Variants in KCNH1 observed in about 807,000 individuals in gnomAD.
KCNH1 encodes voltage-gated delayed rectifier potassium channel KCNH1.
A neutral mutation model predicts 69.2 loss-of-function variants in KCNH1; 27 were observed. That is an observed-to-expected ratio of 0.39 (90% CI 0.29 to 0.54). The LOEUF is 0.54. Among genes scored for constraint, KCNH1 ranks in the 20% least tolerant of loss-of-function variants. KCNH1 has a pLI of 0.68. For missense variants in KCNH1, 798 were observed against 1,261.6 expected (o/e 0.63, Z 5.57); for synonymous variants, 456 against 487.7 (o/e 0.93, Z 0.86).
chr1:210,859,050 T>G, intron 7 of KCNH1: 1 of 632,692 alleles, frequency 1.6e-6, no homozygotes, highest in Admixed American at 2.7e-5. Flanking sequence ...GTTGTTGTGA[T>G]TTTTTTTCTG....
intron 9 of KCNH1, among the ~76,000 whole-genome samples, chr1:210,789,616 AAAC>A (rs1189239155): frequency 2.0e-5 from 3 of 152,238 alleles, no homozygotes; most frequent in South Asian, 4.1e-4. Context: ...TTGAAAATTA[AAAC>A]AACATTTTTT....
Position 211,088,614 on chromosome 1 carries a change from G to A in KCNH1, c.439+1948C>T, listed in dbSNP as rs534285518. 2.8e-4 allele frequency among the ~76,000 whole-genome samples: 43 copies of A among 152,324 alleles called. No homozygotes were observed. The South Asian group carries it at 8.7e-3, about 31-fold the overall frequency. ...ATCTGCCATGGCATTTGAGATGATA[G>A]ACTTATAAAGCCATGTCTTTCAGGA... On this transcript the variant is annotated intron_variant, in intron 4 of 10. Coordinates refer to ENST00000271751, the MANE Select transcript of KCNH1 (RefSeq NM_172362.3).
At chr1:210,855,729 C>A (rs1685818731) in intron 7 of KCNH1, among the ~76,000 whole-genome samples, 1 of 152,158 alleles carries the variant, frequency 6.6e-6, no homozygotes, top group African/African-American at 2.4e-5. Flanking sequence ...AGTGTCACGA[C>A]TCAGCTGGGA....
At chr1:210,742,430 G>T (rs1164193895) in intron 10 of KCNH1, among the ~76,000 whole-genome samples, 1 of 152,218 alleles carries the variant, frequency 6.6e-6, no homozygotes, top group Non-Finnish European at 1.5e-5. Context: ...ATGGGAAATA[G>T]AATTCCTGGC....
At chr1:211,049,495 T>C (rs1488061513) in intron 5 of KCNH1, among the ~76,000 whole-genome samples, 1 of 152,176 alleles carries the variant, frequency 6.6e-6, no homozygotes, top group African/African-American at 2.4e-5. Context: ...TTTGTTGTTG[T>C]TGTCATTGTG....
chr1:210,742,528 G>A (rs921128449), intron 10 of KCNH1, among the ~76,000 whole-genome samples: 1 of 152,226 alleles, frequency 6.6e-6, no homozygotes, highest in Non-Finnish European at 1.5e-5. Context: ...CTGGTACAAT[G>A]CTGGGCACTC....
At chr1:210,971,747 T>C (rs928413691) in intron 6 of KCNH1, among the ~76,000 whole-genome samples, 3 of 152,166 alleles carry the variant, frequency 2.0e-5, no homozygotes, top group African/African-American at 7.2e-5. Flanking sequence ...AGTTGTTCAA[T>C]ATTTGTACAT....
At chr1:210,896,479 T>G (rs546341962) in intron 7 of KCNH1, among the ~76,000 whole-genome samples, 1 of 152,328 alleles carries the variant, frequency 6.6e-6, no homozygotes, top group East Asian at 1.9e-4. Context: ...TTTCTTCCTT[T>G]GTTTTTTCTG....
chr1:210,873,599 C>T (rs772611390), intron 7 of KCNH1, among the ~76,000 whole-genome samples: 2 of 152,044 alleles, frequency 1.3e-5, no homozygotes, highest in African/African-American at 4.8e-5. Context: ...CCTCCTAATT[C>T]AGCCATCCTC....
chr1:210,864,441 G>T (rs915559636), intron 7 of KCNH1, among the ~76,000 whole-genome samples: 2 of 152,172 alleles, frequency 1.3e-5, no homozygotes, highest in Non-Finnish European at 2.9e-5. Context: ...CAAAACAAGT[G>T]GGGAAGCGAG....
At chr1:210,818,938 C>T (rs1423122561) in intron 7 of KCNH1, among the ~76,000 whole-genome samples, 7 of 152,202 alleles carry the variant, frequency 4.6e-5, no homozygotes, top group Admixed American at 4.6e-4. Flanking sequence ...CTTCTCATAA[C>T]TCTTACAGGC....
intron 10 of KCNH1, among the ~76,000 whole-genome samples, chr1:210,735,818 CACAG>C (rs141937335): frequency 0.079 from 11,792 of 149,218 alleles, 535 homozygotes; most frequent in Non-Finnish European, 0.12. Flanking sequence ...CACACACACA[CACAG>C]AGAGAGAGAG....
At chr1:210,992,397 A>T (rs1688953475) in intron 6 of KCNH1, among the ~76,000 whole-genome samples, 1 of 152,164 alleles carries the variant, frequency 6.6e-6, no homozygotes, top group Non-Finnish European at 1.5e-5. Context: ...CCTCAACCTG[A>T]AGAAATTATA....
intron 5 of KCNH1, among the ~76,000 whole-genome samples, chr1:211,073,634 T>C (rs1352938443): frequency 6.6e-6 from 1 of 152,116 alleles, no homozygotes; most frequent in Non-Finnish European, 1.5e-5. Context: ...CCAAAGAATA[T>C]ATCTCAAGAG....
At chr1:211,035,520 T>C (rs1311154155) in intron 5 of KCNH1, among the ~76,000 whole-genome samples, 1 of 151,866 alleles carries the variant, frequency 6.6e-6, no homozygotes, top group African/African-American at 2.4e-5. Flanking sequence ...AGTGCTGGGA[T>C]TACGGGTACT....
intron 6 of KCNH1, among the ~76,000 whole-genome samples, chr1:210,943,649 G>A (rs758793494): frequency 2.6e-5 from 4 of 152,068 alleles, no homozygotes; most frequent in Non-Finnish European, 5.9e-5. Flanking sequence ...ACCATGCCTG[G>A]CCTCTCTCCT....
intron 10 of KCNH1, among the ~76,000 whole-genome samples, chr1:210,733,949 T>A (rs28631649): frequency 0.044 from 3,552 of 80,468 alleles, 156 homozygotes; most frequent in African/African-American, 0.16. Context: ...TCTGTCTGTC[T>A]CACACACACA....
At chr1:210,748,010 TG>T (rs1683200224) in intron 10 of KCNH1, among the ~76,000 whole-genome samples, 1 of 152,202 alleles carries the variant, frequency 6.6e-6, no homozygotes, top group Admixed American at 6.5e-5. Context: ...CACGTGTGTG[TG>T]TTCAGGCACA....
intron 10 of KCNH1, among the ~76,000 whole-genome samples, chr1:210,695,889 G>A (rs556302686): frequency 4.0e-4 from 61 of 152,272 alleles, no homozygotes; most frequent in African/African-American, 1.2e-3. Flanking sequence ...CTCCCTTGCC[G>A]GCTAGTTTCC....
Sources: gnomAD v4.1 joint callset for allele counts (sites outside exome capture counted in the v4.1 genomes callset) on GRCh38, gnomAD v4.1.1 for gene constraint, MANE v1.5 for transcripts, NCBI Gene and HGNC (gene_info 2026-07-23, HGNC 2026-07-21) for gene names.